The following DENND2B variants were observed in gnomAD, a reference collection of about 807,000 sequenced individuals.
DENND2B encodes DENN domain-containing protein 2B.
A neutral mutation model predicts 116.0 loss-of-function variants in DENND2B; 32 were observed. The observed-to-expected ratio is 0.28, with a 90% CI of 0.21 to 0.37. The LOEUF (loss-of-function observed/expected upper bound fraction) is 0.37, where lower values mean the gene tolerates loss of function less well. Among genes scored for constraint, DENND2B ranks in the 10% least tolerant of loss-of-function variants. The pLI, the probability that DENND2B is intolerant of heterozygous loss-of-function variation, is 1.00. For missense variants in DENND2B, 1,276 were observed against 1,477.7 expected (o/e 0.86, Z 2.24); for synonymous variants, 588 against 583.9 (o/e 1.01, Z -0.10).
At chr11:8,758,827 G>T (rs1246529279) in intron 1 of DENND2B, among the ~76,000 whole-genome samples, 2 of 152,156 alleles carry the variant, frequency 1.3e-5, no homozygotes, top group African/African-American at 4.8e-5. Context: ...CCAACCAGCA[G>T]GTAAGTGTCG....
intron 3 of DENND2B, among the ~76,000 whole-genome samples, chr11:8,850,926 CAG>C (rs1262842162): frequency 2.0e-5 from 3 of 152,128 alleles, no homozygotes; most frequent in Non-Finnish European, 2.9e-5. Flanking sequence ...AAGCCAGGCA[CAG>C]AAAGAGAAAC....
intron 4 of DENND2B, among the ~76,000 whole-genome samples, chr11:8,725,842 G>A (rs924853588): frequency 2.0e-5 from 3 of 152,124 alleles, no homozygotes; most frequent in Admixed American, 6.5e-5. Context: ...TCTCCTTCTC[G>A]TGTCCCCAAA....
intron 1 of DENND2B, among the ~76,000 whole-genome samples, chr11:8,893,342 CAG>C (rs1303671375): frequency 1.6e-4 from 24 of 152,286 alleles, no homozygotes; most frequent in Admixed American, 5.2e-4. Flanking sequence ...CGGCACAAGA[CAG>C]GGATGCCCTC....
At chr11:8,724,514 G>A (rs2046764892) in intron 4 of DENND2B, among the ~76,000 whole-genome samples, 1 of 152,216 alleles carries the variant, frequency 6.6e-6, no homozygotes, top group African/African-American at 2.4e-5. Context: ...CACTTGGGCA[G>A]AATCAAAGCC....
chr11:8,864,449 T>TC (rs1353143770), intron 2 of DENND2B, among the ~76,000 whole-genome samples: 1 of 152,082 alleles, frequency 6.6e-6, no homozygotes, highest in Non-Finnish European at 1.5e-5. Flanking sequence ...TGTATTTTTT[T>TC]CATAAGGACA....
chr11:8,886,676 C>T (rs1483761935), intron 1 of DENND2B, among the ~76,000 whole-genome samples: 1 of 151,340 alleles, frequency 6.6e-6, no homozygotes, highest in Admixed American at 6.6e-5. Context: ...GGATTTATGA[C>T]AATTAAATCA....
chr11:8,827,177 TC>T (rs1450918467), intron 4 of DENND2B, among the ~76,000 whole-genome samples: 8 of 152,202 alleles, frequency 5.3e-5, no homozygotes, highest in Non-Finnish European at 7.3e-5. Flanking sequence ...TGTCTGGGGC[TC>T]CTTACCCTGG....
At chr11:8,846,121 T>C (rs1168953044) in intron 3 of DENND2B, among the ~76,000 whole-genome samples, 1 of 152,156 alleles carries the variant, frequency 6.6e-6, no homozygotes, top group East Asian at 1.9e-4. Context: ...GACAGGGACG[T>C]GCCAGAGGAC....
At chr11:8,738,248 A>G (rs60501641) in intron 2 of DENND2B, among the ~76,000 whole-genome samples, 5,821 of 152,178 alleles carry the variant, frequency 0.038, 328 homozygotes, top group East Asian at 0.12. Flanking sequence ...TCTCGTCCCT[A>G]TGCTGCTTTA....
chr11:8,907,209 A>T (rs991705477), intron 1 of DENND2B, among the ~76,000 whole-genome samples: 1 of 152,234 alleles, frequency 6.6e-6, no homozygotes, highest in East Asian at 1.9e-4. Flanking sequence ...TTAAAAACTC[A>T]TATCAATAGT....
chr11:8,718,976 AC>A (rs2045638453), intron 4 of DENND2B: 1 of 986,838 alleles, frequency 1.0e-6, no homozygotes, highest in African/African-American at 1.8e-5. Flanking sequence ...CCCTCTCTGC[AC>A]CCCTTTCCCT....
intron 1 of DENND2B, among the ~76,000 whole-genome samples, chr11:8,761,369 C>A (rs564758626): frequency 6.6e-6 from 1 of 152,186 alleles, no homozygotes; most frequent in African/African-American, 2.4e-5. Flanking sequence ...AGATTGGAAG[C>A]CTGATCCATA....
chr11:8,713,952 C>A (rs758527504), intron 8 of DENND2B, 46 bp downstream of exon 8: 1 of 1,607,036 alleles, frequency 6.2e-7, no homozygotes, highest in Non-Finnish European at 8.5e-7. Context: ...TGATTCCCTG[C>A]AGCCCTGCTG....
intron 2 of DENND2B, among the ~76,000 whole-genome samples, chr11:8,734,737 C>T (rs995172901): frequency 6.2e-5 from 9 of 144,362 alleles, no homozygotes; most frequent in African/African-American, 2.0e-4. Flanking sequence ...TGCAGTGAGC[C>T]GAGATCACGC....
intron 1 of DENND2B, among the ~76,000 whole-genome samples, chr11:8,795,894 G>C (rs1157952424): frequency 6.6e-5 from 10 of 152,300 alleles, no homozygotes; most frequent in African/African-American, 1.7e-4. Flanking sequence ...TTGTGAATCA[G>C]TGATGAAGAC....
intron 2 of DENND2B, among the ~76,000 whole-genome samples, chr11:8,867,305 A>G (rs965538837): frequency 2.6e-5 from 4 of 152,174 alleles, no homozygotes; most frequent in Admixed American, 1.3e-4. Flanking sequence ...TGGGTGTCCA[A>G]TGTCCTTATA....
intron 1 of DENND2B, among the ~76,000 whole-genome samples, chr11:8,804,538 C>A (rs567360897): frequency 7.8e-4 from 88 of 112,170 alleles, no homozygotes; most frequent in African/African-American, 2.7e-3. Context: ...TGCAAAATAG[C>A]AGCTACTTCT....
chr11:8,830,897 AG>A (rs1345370073), intron 4 of DENND2B: 1 of 152,322 alleles, frequency 6.6e-6, no homozygotes, highest in Non-Finnish European at 1.5e-5. Flanking sequence ...GGAAGATAAA[AG>A]GAAGAAAGAG....
At chr11:8,793,151 A>G (rs941895282) in intron 1 of DENND2B, among the ~76,000 whole-genome samples, 11 of 152,200 alleles carry the variant, frequency 7.2e-5, no homozygotes, top group Admixed American at 7.2e-4. Context: ...ATTACAAGTG[A>G]TATGTTTTTC....
Sources: gnomAD v4.1 joint callset for allele counts (sites outside exome capture counted in the v4.1 genomes callset) on GRCh38, gnomAD v4.1.1 for gene constraint, MANE v1.5 for transcripts, NCBI Gene and HGNC (gene_info 2026-07-23, HGNC 2026-07-21) for gene names.